Variants in IRAK1BP1 observed in about 807,000 individuals in gnomAD.
The protein encoded by IRAK1BP1 is interleukin-1 receptor-associated kinase 1-binding protein 1.
IRAK1BP1 carries 24 observed loss-of-function variants against 28.0 expected under a neutral mutation model. That is an observed-to-expected ratio of 0.86 (90% CI 0.62 to 1.20). The LOEUF (loss-of-function observed/expected upper bound fraction) is 1.20, where lower values mean the gene tolerates loss of function less well. Ranked by LOEUF, IRAK1BP1 falls within the 50% of genes most tolerant of loss-of-function variation. IRAK1BP1 has a pLI of 0.00. For synonymous variants in IRAK1BP1, 131 were observed against 116.3 expected (o/e 1.13, Z -0.81); for missense variants, 336 against 316.7 (o/e 1.06, Z -0.46).
the IRAK1BP1 span, among the ~76,000 whole-genome samples, chr6:78,954,342 G>A: frequency 3.3e-5 from 5 of 151,776 alleles, no homozygotes; most frequent in Admixed American, 2.0e-4. Context: ...TCCTGACCTC[G>A]TGATCTGCCT....
the IRAK1BP1 span, among the ~76,000 whole-genome samples, chr6:78,979,137 C>G: frequency 3.9e-5 from 6 of 152,036 alleles, no homozygotes; most frequent in Non-Finnish European, 5.9e-5. Flanking sequence ...CTGCAGGGGT[C>G]TTGGGACCAA....
intron 1 of IRAK1BP1, among the ~76,000 whole-genome samples, chr6:78,882,137 GA>G (rs1771251905): frequency 2.6e-5 from 4 of 152,084 alleles, no homozygotes; most frequent in African/African-American, 9.7e-5. Context: ...AAATCTCAAA[GA>G]AAAGGTACTA....
chr6:78,966,992 T>A, the IRAK1BP1 span, among the ~76,000 whole-genome samples: 2 of 152,224 alleles, frequency 1.3e-5, no homozygotes, highest in East Asian at 1.9e-4. Flanking sequence ...GACTAATGAG[T>A]TCTATTAAAG....
the IRAK1BP1 span, chr6:78,954,852 C>G: frequency 1.3e-6 from 2 of 1,582,488 alleles, no homozygotes; most frequent in Non-Finnish European, 1.7e-6. Context: ...CGGAAAGGCT[C>G]TGAATCTTCA....
downstream of IRAK1BP1, among the ~76,000 whole-genome samples, chr6:78,950,296 G>A (rs536303987): frequency 5.3e-5 from 8 of 152,170 alleles, no homozygotes; most frequent in South Asian, 2.1e-4. Context: ...CTGTTATTTC[G>A]TTAAAGGTTT....
intron 4 of IRAK1BP1, chr6:78,940,776 T>A (rs34609668): frequency 6.2e-7 from 1 of 1,613,712 alleles, no homozygotes; most frequent in South Asian, 1.1e-5. Context: ...GTTAAAGAGG[T>A]GTCTTCGAAC....
At position 78,878,022 on chromosome 6, in the gene IRAK1BP1, C is replaced by A. The variant is rs187105799; in HGVS notation, c.316-7356C>A. ...AGCTCAAACTGGGTGGATCCCACCA[C>A]AGCTCAAGGAGACCTGCCTGCCACT... is the stretch of plus-strand genomic sequence containing the variant. On this transcript the variant is annotated intron_variant, in intron 1 of 3. Transcript: ENST00000369940. 6.3e-3 allele frequency among the ~76,000 whole-genome samples: 963 copies of A among 152,102 alleles called. 19 individuals carry two copies. The highest frequency in any genetic ancestry group is 0.022 in the African/African-American group (907 of 41,504).
chr6:78,910,785 C>G (rs1176820689), intron 4 of IRAK1BP1, among the ~76,000 whole-genome samples: 2 of 152,244 alleles, frequency 1.3e-5, no homozygotes, highest in Non-Finnish European at 2.9e-5. Context: ...ACACGCACAC[C>G]CTCCCGACCT....
At chr6:78,876,105 G>A (rs1465471449) in intron 1 of IRAK1BP1, among the ~76,000 whole-genome samples, 3 of 152,064 alleles carry the variant, frequency 2.0e-5, no homozygotes, top group Non-Finnish European at 4.4e-5. Context: ...GTCAAGGGGG[G>A]GATCTGATGG....
chr6:78,890,311 C>G (rs930260571), intron 2 of IRAK1BP1, among the ~76,000 whole-genome samples: 3 of 151,602 alleles, frequency 2.0e-5, no homozygotes, highest in Admixed American at 6.6e-5. Context: ...AGGAGAAATA[C>G]CTAATGTAGA....
intron 4 of IRAK1BP1, chr6:78,940,689 C>G (rs1773457911): frequency 6.4e-7 from 1 of 1,569,302 alleles, no homozygotes; most frequent in East Asian, 2.4e-5. Context: ...TATTTTGGTA[C>G]AAGTTACCAA....
the IRAK1BP1 span, among the ~76,000 whole-genome samples, chr6:78,964,068 T>C: frequency 6.6e-6 from 1 of 152,228 alleles, no homozygotes; most frequent in Admixed American, 6.5e-5. Context: ...CTGGCTGCAT[T>C]GCTATCATAT....
rs549334305 is a variant in IRAK1BP1 at position 78,932,261 on chromosome 6, G to A, written c.*68-13147G>A. ...TTGGAATCAACTTCCTCCAAATTTCGGTTAAAGTTGATATTTTGATCTCCA... is the reference window on the plus strand; with the variant it reads ...TTGGAATCAACTTCCTCCAAATTTCAGTTAAAGTTGATATTTTGATCTCCA... On this transcript the variant is annotated intron_variant and NMD_transcript_variant, in intron 4 of 4. Coordinates refer to the IRAK1BP1 transcript ENST00000606868. Among the ~76,000 whole-genome samples the A allele has an allele frequency of 3.3e-5, 5 of 151,930 alleles. No homozygotes were observed. The South Asian group carries it at 8.3e-4, about 25-fold the overall frequency.
At chr6:78,904,930 A>G (rs1772224855), downstream of IRAK1BP1, among the ~76,000 whole-genome samples, 1 of 152,204 alleles carries the variant, frequency 6.6e-6, no homozygotes, top group Admixed American at 6.5e-5. Flanking sequence ...TATTTCTAAA[A>G]AGATATAGTG....
intron 4 of IRAK1BP1, among the ~76,000 whole-genome samples, chr6:78,927,321 T>C (rs1300601175): frequency 6.6e-6 from 1 of 152,196 alleles, no homozygotes; most frequent in Non-Finnish European, 1.5e-5. Flanking sequence ...CCTTTTCATA[T>C]GCCTTTTTGC....
intron 4 of IRAK1BP1, among the ~76,000 whole-genome samples, chr6:78,925,162 C>T (rs1456528789): frequency 6.6e-6 from 1 of 151,726 alleles, no homozygotes; most frequent in African/African-American, 2.4e-5. Context: ...CACACCGGGG[C>T]CTGTTTTGGG....
intron 4 of IRAK1BP1, among the ~76,000 whole-genome samples, chr6:78,912,924 T>C (rs746951461): frequency 3.9e-5 from 6 of 152,208 alleles, no homozygotes; most frequent in Non-Finnish European, 5.9e-5. Flanking sequence ...TTAAATTTAT[T>C]ACATAAATAT....
intron 2 of IRAK1BP1, among the ~76,000 whole-genome samples, chr6:78,894,818 A>T (rs1771821863): frequency 6.6e-6 from 1 of 152,112 alleles, no homozygotes; most frequent in South Asian, 2.1e-4. Context: ...GTGTCATATA[A>T]AAGTATTTGG....
intron 2 of IRAK1BP1, among the ~76,000 whole-genome samples, chr6:78,891,855 C>T (rs1292066882): frequency 2.6e-5 from 4 of 151,946 alleles, no homozygotes; most frequent in African/African-American, 9.7e-5. Context: ...TAGTTTTCTC[C>T]CCCTTCTTTC....
Sources: allele counts gnomAD v4.1 joint callset (sites outside exome capture counted in the v4.1 genomes callset), GRCh38; gene constraint gnomAD v4.1.1; transcripts MANE v1.5; gene names NCBI Gene and HGNC (gene_info 2026-07-23, HGNC 2026-07-21).